PRICKLE1: variants seen among roughly 807,000 people sequenced by gnomAD.
PRICKLE1 encodes the protein prickle-like protein 1.
In PRICKLE1, 14 loss-of-function variants were observed where a neutral mutation model predicts 70.2. The observed-to-expected ratio is 0.20, with a 90% CI of 0.13 to 0.31. The LOEUF is 0.31. PRICKLE1 is among the 10% of genes least tolerant of loss of function. The pLI is 1.00. For synonymous variants in PRICKLE1, 357 were observed against 379.9 expected, an observed-to-expected ratio of 0.94 and a Z score of 0.70; for missense variants, 821 against 1,026.2, an observed-to-expected ratio of 0.80 and a Z score of 2.73.
At chr12:42,478,984 A>G (rs1938687202) in intron 1 of PRICKLE1, among the ~76,000 whole-genome samples, 1 of 152,262 alleles carries the variant, frequency 6.6e-6, no homozygotes, top group African/African-American at 2.4e-5. Flanking sequence ...CTCAGCATTC[A>G]GTAAACTTGG....
chr12:42,545,848 T>C (rs1940198395), intron 1 of PRICKLE1, among the ~76,000 whole-genome samples: 2 of 130,518 alleles, frequency 1.5e-5, no homozygotes, highest in Non-Finnish European at 3.3e-5. Flanking sequence ...AGACTCCGTC[T>C]CAAAAAAGAA....
At chr12:42,502,722 G>C (rs1242282062) in intron 1 of PRICKLE1, among the ~76,000 whole-genome samples, 1 of 152,168 alleles carries the variant, frequency 6.6e-6, no homozygotes, top group Non-Finnish European at 1.5e-5. Context: ...GGAAAGGGCC[G>C]AGTCTTAGAT....
At chr12:42,586,091 T>A (rs779767052) in intron 1 of PRICKLE1, among the ~76,000 whole-genome samples, 10 of 152,330 alleles carry the variant, frequency 6.6e-5, no homozygotes, top group Non-Finnish European at 1.5e-4. Context: ...CTTTCTTCTG[T>A]GACCAGAAGA....
chr12:42,588,380 A>G (rs1941017699), intron 1 of PRICKLE1, among the ~76,000 whole-genome samples: 1 of 152,226 alleles, frequency 6.6e-6, no homozygotes, highest in African/African-American at 2.4e-5. Context: ...ACAAGATACC[A>G]TTTCAGTGAT....
At chr12:42,492,691 A>G (rs1218115499) in intron 1 of PRICKLE1, among the ~76,000 whole-genome samples, 2 of 152,246 alleles carry the variant, frequency 1.3e-5, no homozygotes, top group South Asian at 2.1e-4. Context: ...CTGATCTTGA[A>G]TCACACGCAG....
chr12:42,577,111 C>T (rs1400184502), intron 1 of PRICKLE1, among the ~76,000 whole-genome samples: 1 of 152,196 alleles, frequency 6.6e-6, no homozygotes, highest in African/African-American at 2.4e-5. Context: ...TGGGCACGCA[C>T]ATTTTAAACA....
At chr12:42,475,766 C>T (rs533773791) in intron 1 of PRICKLE1, among the ~76,000 whole-genome samples, 35 of 151,924 alleles carry the variant, frequency 2.3e-4, no homozygotes, top group Admixed American at 2.6e-4. Context: ...ACCATTCACT[C>T]GCAAGTTCTC....
intron 1 of PRICKLE1, among the ~76,000 whole-genome samples, chr12:42,586,247 G>T (rs1940985618): frequency 6.6e-6 from 1 of 152,094 alleles, no homozygotes; most frequent in Non-Finnish European, 1.5e-5. Flanking sequence ...ACTAATAAGG[G>T]TTAAACAGTT....
intron 1 of PRICKLE1, among the ~76,000 whole-genome samples, chr12:42,477,561 A>G (rs1042462207): frequency 1.2e-4 from 17 of 147,600 alleles, no homozygotes; most frequent in Non-Finnish European, 1.6e-4. Flanking sequence ...TTCCTTAGGC[A>G]TTTAAAACAC....
At chr12:42,467,351 G>A (rs1227920700) in intron 5 of PRICKLE1, among the ~76,000 whole-genome samples, 4 of 152,102 alleles carry the variant, frequency 2.6e-5, no homozygotes, top group Non-Finnish European at 4.4e-5. Context: ...TCTTGACCTC[G>A]TGATCTGCCC....
At chr12:42,507,893 A>G (rs549203365) in intron 1 of PRICKLE1, among the ~76,000 whole-genome samples, 1 of 152,334 alleles carries the variant, frequency 6.6e-6, no homozygotes, top group South Asian at 2.1e-4. Context: ...CACATATTGG[A>G]GGATACACAG....
chr12:42,478,642 A>G (rs1593124398), intron 1 of PRICKLE1, among the ~76,000 whole-genome samples: 2 of 152,318 alleles, frequency 1.3e-5, no homozygotes, highest in East Asian at 3.9e-4. Context: ...AAGTAGAGAA[A>G]TAAATGTCAA....
At chr12:42,562,727 T>C (rs976660940) in intron 1 of PRICKLE1, among the ~76,000 whole-genome samples, 3 of 152,092 alleles carry the variant, frequency 2.0e-5, no homozygotes, top group African/African-American at 4.8e-5. Flanking sequence ...GTGAATATTA[T>C]CTGAAGAGTG....
At chr12:42,579,721 CA>C (rs1476665685) in intron 1 of PRICKLE1, among the ~76,000 whole-genome samples, 8 of 152,040 alleles carry the variant, frequency 5.3e-5, no homozygotes, top group Non-Finnish European at 1.2e-4. Flanking sequence ...AGCCAGGTTT[CA>C]GAATAGTGAG....
intron 1 of PRICKLE1, among the ~76,000 whole-genome samples, chr12:42,501,852 T>C (rs932501023): frequency 3.9e-5 from 6 of 152,196 alleles, no homozygotes; most frequent in African/African-American, 1.2e-4. Context: ...ATTTAATTAA[T>C]AGTGGAATTA....
At chr12:42,580,370 G>A (rs1291490878) in intron 1 of PRICKLE1, among the ~76,000 whole-genome samples, 1 of 152,080 alleles carries the variant, frequency 6.6e-6, no homozygotes, top group Admixed American at 6.6e-5. Flanking sequence ...TCAACCTCCA[G>A]ATATGTTTCC....
chr12:42,491,653 G>C (rs1042559655), intron 1 of PRICKLE1, among the ~76,000 whole-genome samples: 2 of 152,044 alleles, frequency 1.3e-5, no homozygotes, highest in African/African-American at 4.8e-5. Flanking sequence ...CCATGTGGAA[G>C]AACTACCCAA....
chr12:42,541,125 A>G (rs776942900), intron 1 of PRICKLE1, among the ~76,000 whole-genome samples: 2 of 152,226 alleles, frequency 1.3e-5, no homozygotes, highest in East Asian at 1.9e-4. Flanking sequence ...AGTTGGTAAC[A>G]TAAGATGCAC....
At chr12:42,559,635 TTGGG>T (rs779512405) in intron 1 of PRICKLE1, among the ~76,000 whole-genome samples, 1,240 of 102,266 alleles carry the variant, frequency 0.012, 12 homozygotes, top group East Asian at 0.042. Context: ...TTTTTTTTTT[TTGGG>T]GGGGGTAGAG....
Sources: allele counts gnomAD v4.1 joint callset (sites outside exome capture counted in the v4.1 genomes callset), GRCh38; gene constraint gnomAD v4.1.1; transcripts MANE v1.5; gene names NCBI Gene and HGNC (gene_info 2026-07-23, HGNC 2026-07-21).